NRXN1: variants seen among roughly 807,000 people sequenced by gnomAD.
NRXN1 encodes neurexin 1.
A neutral mutation model predicts 150.9 loss-of-function variants in NRXN1; 39 were observed. The ratio of observed to expected loss-of-function variants is 0.26; its 90% CI spans 0.20 to 0.34. The LOEUF (loss-of-function observed/expected upper bound fraction) is 0.34, where lower values mean the gene tolerates loss of function less well. NRXN1 is among the 10% of genes least tolerant of loss of function. The pLI, the probability that NRXN1 is intolerant of heterozygous loss-of-function variation, is 1.00. For synonymous variants in NRXN1, 924 were observed against 757.0 expected (o/e 1.22, Z -3.62); for missense variants, 1,815 against 1,949.9 (o/e 0.93, Z 1.30).
intron 8 of NRXN1, among the ~76,000 whole-genome samples, chr2:50,610,850 T>C (rs535779217): frequency 1.1e-4 from 17 of 148,790 alleles, no homozygotes; most frequent in African/African-American, 4.2e-4. Flanking sequence ...TGGAGTGTAA[T>C]TGCACGATTT....
intron 17 of NRXN1, among the ~76,000 whole-genome samples, chr2:50,433,499 A>G (rs2085152892): frequency 6.6e-6 from 1 of 151,178 alleles, no homozygotes; most frequent in Non-Finnish European, 1.5e-5. Context: ...TCTTCTATAT[A>G]TTTTCTCAGT....
At chr2:50,854,709 A>G (rs2105994817) in intron 5 of NRXN1, among the ~76,000 whole-genome samples, 1 of 152,192 alleles carries the variant, frequency 6.6e-6, no homozygotes, top group South Asian at 2.1e-4. Context: ...CTTTCTGACA[A>G]CGTTAAGCGG....
At chr2:50,228,011 G>A (rs1241307960) in intron 18 of NRXN1, among the ~76,000 whole-genome samples, 3 of 152,110 alleles carry the variant, frequency 2.0e-5, no homozygotes, top group East Asian at 1.9e-4. Context: ...AAATGCTTCT[G>A]ATGGAAAATT....
At chr2:50,481,403 C>T (rs1388570030) in intron 15 of NRXN1, among the ~76,000 whole-genome samples, 1 of 152,184 alleles carries the variant, frequency 6.6e-6, no homozygotes, top group Non-Finnish European at 1.5e-5. Context: ...AATTTTCTTC[C>T]ATAATTATAA....
intron 5 of NRXN1, among the ~76,000 whole-genome samples, chr2:50,733,323 AT>A (rs895527158): frequency 9.2e-5 from 14 of 151,968 alleles, no homozygotes; most frequent in Non-Finnish European, 1.5e-4. Context: ...ATTGGGAAAT[AT>A]TTTTTTTATT....
At chr2:50,599,765 T>C (rs1675933276) in intron 8 of NRXN1, among the ~76,000 whole-genome samples, 3 of 152,220 alleles carry the variant, frequency 2.0e-5, no homozygotes, top group Non-Finnish European at 4.4e-5. Context: ...CAGAAACGCC[T>C]GGATGTTTCC....
chr2:50,652,779 T>C (rs766641837), intron 5 of NRXN1, among the ~76,000 whole-genome samples: 7 of 152,066 alleles, frequency 4.6e-5, no homozygotes, highest in African/African-American at 1.2e-4. Context: ...GCCAAAAGCT[T>C]TTCCAGAGTT....
At chr2:50,074,861 G>GT (rs1450742209) in intron 19 of NRXN1, among the ~76,000 whole-genome samples, 1 of 152,154 alleles carries the variant, frequency 6.6e-6, no homozygotes, top group Non-Finnish European at 1.5e-5. Context: ...ATTTTGGTTT[G>GT]TTTTGGTTTG....
In NRXN1 at chr2:50,552,747, T is replaced by A. The variant is rs765814415; in HGVS notation, c.1599A>T (p.Pro533=). ...CAAAGAAGTCCACCTTTATCATCTGTGGGTGCTTGGCATCTTTCTGATGTC... is the reference window on the plus strand; with the variant it reads ...CAAAGAAGTCCACCTTTATCATCTGAGGGTGCTTGGCATCTTTCTGATGTC... ...KPRHQKDAKH[P]QMIKVDFFAI... The change falls in exon 9 of 23, where the codon CCA becomes CCT. Residue 533 remains proline, a synonymous_variant. Transcript: ENST00000401669. The A allele has an allele frequency of 1.2e-6, 2 of 1,613,972 alleles. No homozygotes were observed. Among genetic ancestry groups the A allele is most frequent in the South Asian group, 2.2e-5 (2 of 91,086 alleles).
At chr2:50,550,681 T>TTTTTATTTTA (rs1667319796) in intron 9 of NRXN1, among the ~76,000 whole-genome samples, 1 of 150,808 alleles carries the variant, frequency 6.6e-6, no homozygotes, top group African/African-American at 2.5e-5. Context: ...TTATTTTTAT[T>TTTTTATTTTA]TTTTATTTTT....
At chr2:50,667,296 G>A (rs1441739026) in intron 5 of NRXN1, among the ~76,000 whole-genome samples, 1 of 151,886 alleles carries the variant, frequency 6.6e-6, no homozygotes, top group Non-Finnish European at 1.5e-5. Flanking sequence ...TATCTTCAGA[G>A]AAGTAAAATA....
At chr2:50,642,172 A>C (rs1684170484) in intron 5 of NRXN1, among the ~76,000 whole-genome samples, 1 of 152,132 alleles carries the variant, frequency 6.6e-6, no homozygotes, top group African/African-American at 2.4e-5. Flanking sequence ...TATATTAAAG[A>C]CCTACTATGC....
intron 18 of NRXN1, among the ~76,000 whole-genome samples, chr2:50,217,833 C>A (rs1030016142): frequency 6.6e-6 from 1 of 152,090 alleles, no homozygotes; most frequent in Non-Finnish European, 1.5e-5. Flanking sequence ...CTCTTTTCAT[C>A]TAACTTATTG....
At chr2:50,229,814 G>A (rs190257414) in intron 18 of NRXN1, among the ~76,000 whole-genome samples, 317 of 152,138 alleles carry the variant, frequency 2.1e-3, no homozygotes, top group African/African-American at 7.1e-3. Flanking sequence ...TTAAAGGTAC[G>A]CTTTTGAAAA....
At chr2:49,938,185 C>T (rs1188215526) in intron 22 of NRXN1, among the ~76,000 whole-genome samples, 3 of 152,020 alleles carry the variant, frequency 2.0e-5, no homozygotes, top group Non-Finnish European at 4.4e-5. Context: ...AACTATAAGC[C>T]CACCTTTTCT....
At chr2:50,864,969 C>G (rs1025865386) in intron 5 of NRXN1, among the ~76,000 whole-genome samples, 1 of 151,852 alleles carries the variant, frequency 6.6e-6, no homozygotes, top group Non-Finnish European at 1.5e-5. Context: ...ATTTTGATAA[C>G]CTGCCTTTAT....
intron 17 of NRXN1, among the ~76,000 whole-genome samples, chr2:50,320,285 TATATATATATATATA>T (rs2075925611): frequency 1.4e-4 from 8 of 57,668 alleles, no homozygotes; most frequent in African/African-American, 4.5e-4. Flanking sequence ...ACCTCAATCA[TATATATATATATATA>T]TATATATATA....
chr2:50,163,110 G>C (rs935572772), intron 18 of NRXN1, among the ~76,000 whole-genome samples: 10 of 134,184 alleles, frequency 7.5e-5, no homozygotes, highest in African/African-American at 3.0e-4. Context: ...CTTAAATACT[G>C]AGCAAAAATA....
intron 21 of NRXN1, among the ~76,000 whole-genome samples, chr2:50,038,076 A>G (rs1690320617): frequency 6.6e-6 from 1 of 152,226 alleles, no homozygotes; most frequent in Non-Finnish European, 1.5e-5. Context: ...ACAGCTTAGA[A>G]TATGATATGT....
Sources: allele counts gnomAD v4.1 joint callset (sites outside exome capture counted in the v4.1 genomes callset), GRCh38; gene constraint gnomAD v4.1.1; transcripts MANE v1.5; gene names NCBI Gene and HGNC (gene_info 2026-07-23, HGNC 2026-07-21).